ASTN2: variants seen among roughly 807,000 people sequenced by gnomAD.
ASTN2 encodes astrotactin 2, also known as astrotactin-2.
A neutral mutation model predicts 139.8 loss-of-function variants in ASTN2; 54 were observed. The ratio of observed to expected loss-of-function variants is 0.39; its 90% CI spans 0.31 to 0.48. The LOEUF is 0.48. Ranked by LOEUF, ASTN2 falls within the 20% of genes least tolerant of loss-of-function variation. The pLI is 0.95. For missense variants in ASTN2, 1,565 were observed against 1,725.1 expected (o/e 0.91, Z 1.64); for synonymous variants, 756 against 719.5 (o/e 1.05, Z -0.81).
intron 10 of ASTN2, among the ~76,000 whole-genome samples, chr9:116,968,488 C>T (rs1026442730): frequency 6.6e-6 from 1 of 152,046 alleles, no homozygotes; most frequent in African/African-American, 2.4e-5. Context: ...TGGTTAACAG[C>T]TGAAAAAAGA....
At chr9:117,256,702 AAG>A (rs1833696465) in intron 2 of ASTN2, among the ~76,000 whole-genome samples, 1 of 152,212 alleles carries the variant, frequency 6.6e-6, no homozygotes, top group Admixed American at 6.5e-5. Flanking sequence ...AAGGAGGAAA[AAG>A]AGAAATTATT....
At chr9:116,587,379 A>G (rs1265420020) in intron 19 of ASTN2, among the ~76,000 whole-genome samples, 1 of 150,108 alleles carries the variant, frequency 6.7e-6, no homozygotes, top group Non-Finnish European at 1.5e-5. Context: ...ACACTGTTAT[A>G]GAAGATCAGA....
chr9:117,332,248 T>G (rs916648809), intron 1 of ASTN2, among the ~76,000 whole-genome samples: 22 of 152,344 alleles, frequency 1.4e-4, no homozygotes, highest in African/African-American at 4.8e-4. Flanking sequence ...CCACCCTTTA[T>G]AGCATAACTT....
chr9:116,904,964 C>G (rs1246529577), intron 10 of ASTN2, among the ~76,000 whole-genome samples: 1 of 152,148 alleles, frequency 6.6e-6, no homozygotes, highest in East Asian at 1.9e-4. Context: ...CCCCAACTCT[C>G]CTCCAAGTCC....
chr9:116,907,181 C>T (rs1330630760), intron 10 of ASTN2, among the ~76,000 whole-genome samples: 1 of 152,174 alleles, frequency 6.6e-6, no homozygotes, highest in African/African-American at 2.4e-5. Context: ...GTAGGACCCA[C>T]AGTGTGTGTT....
intron 20 of ASTN2, among the ~76,000 whole-genome samples, chr9:116,450,322 GCCTACT>G: frequency 6.6e-6 from 1 of 151,914 alleles, no homozygotes; most frequent in East Asian, 1.9e-4. Context: ...CCAGAGGAAA[GCCTACT>G]GACTCCAATG....
intron 5 of ASTN2, among the ~76,000 whole-genome samples, chr9:117,055,871 A>C (rs1839045343): frequency 1.3e-5 from 2 of 152,230 alleles, no homozygotes; most frequent in Non-Finnish European, 2.9e-5. Context: ...CAAGAAGGTA[A>C]ATGTTATGCA....
intron 20 of ASTN2, among the ~76,000 whole-genome samples, chr9:116,486,934 T>C (rs1849358216): frequency 6.6e-6 from 1 of 152,168 alleles, no homozygotes; most frequent in Non-Finnish European, 1.5e-5. Flanking sequence ...TATCTCAGTA[T>C]GCGTATTTCA....
intron 19 of ASTN2, among the ~76,000 whole-genome samples, chr9:116,600,018 A>G (rs1244775779): frequency 6.6e-6 from 1 of 152,048 alleles, no homozygotes; most frequent in East Asian, 1.9e-4. Flanking sequence ...AGAGCAATGA[A>G]CTTCTATATT....
intron 22 of ASTN2, 119 bp from the exon 23 acceptor site, chr9:116,426,207 A>AATCTG: frequency 7.7e-7 from 1 of 1,301,418 alleles, no homozygotes; most frequent in Non-Finnish European, 1.1e-6. Flanking sequence ...TATCTACTCC[A>AATCTG]GATTGGAGTG....
chr9:116,457,831 C>T (rs2118953070), intron 20 of ASTN2, among the ~76,000 whole-genome samples: 1 of 152,104 alleles, frequency 6.6e-6, no homozygotes, highest in East Asian at 1.9e-4. Context: ...ACCATATGAT[C>T]CGGCTATCCA....
intron 5 of ASTN2, among the ~76,000 whole-genome samples, chr9:117,054,033 A>AT (rs1411350266): frequency 7.3e-6 from 1 of 136,542 alleles, no homozygotes. Context: ...TAAAAAAAGA[A>AT]AAAAAAAAAA....
intron 10 of ASTN2, among the ~76,000 whole-genome samples, chr9:116,948,413 G>T (rs1436306979): frequency 1.3e-5 from 2 of 152,052 alleles, no homozygotes; most frequent in Non-Finnish European, 2.9e-5. Context: ...TTGACCAGTG[G>T]CAGTGTCCCC....
At chr9:116,771,964 T>C (rs2132186717) in intron 13 of ASTN2, among the ~76,000 whole-genome samples, 1 of 152,378 alleles carries the variant, frequency 6.6e-6, no homozygotes, top group Non-Finnish European at 1.5e-5. Flanking sequence ...ACAACCTTTC[T>C]TGCTGTTTAT....
At chr9:117,311,877 C>T (rs542769932) in intron 1 of ASTN2, among the ~76,000 whole-genome samples, 2 of 152,258 alleles carry the variant, frequency 1.3e-5, no homozygotes, top group African/African-American at 4.8e-5. Flanking sequence ...CCTGTTGAAG[C>T]TCTTCCTAAT....
intron 16 of ASTN2, among the ~76,000 whole-genome samples, chr9:116,713,072 AAG>A (rs1828213848): frequency 6.6e-6 from 1 of 152,128 alleles, no homozygotes; most frequent in Non-Finnish European, 1.5e-5. Context: ...TGGGGGAAGA[AAG>A]AGAGAGTACT....
At chr9:116,852,642 G>A (rs940161317) in intron 11 of ASTN2, among the ~76,000 whole-genome samples, 1 of 151,928 alleles carries the variant, frequency 6.6e-6, no homozygotes, top group Admixed American at 6.6e-5. Flanking sequence ...ACAGGCAAAA[G>A]GATACCTTTA....
chr9:117,190,116 G>A (rs1831307510), intron 3 of ASTN2, among the ~76,000 whole-genome samples: 2 of 152,168 alleles, frequency 1.3e-5, no homozygotes, highest in African/African-American at 4.8e-5. Flanking sequence ...TCCTGATGAA[G>A]TAGAGAGAGC....
rs1832409161 is a variant in ASTN2 at position 117,218,575 on chromosome 9, C to T, written c.631-3833G>A. Among the ~76,000 whole-genome samples the T allele has an allele frequency of 2.6e-5, 4 of 152,150 alleles. No individual in the cohort carries two copies. The South Asian group carries it at 6.2e-4, about 24-fold the overall frequency. On this transcript the variant is annotated intron_variant, in intron 2 of 22. Coordinates refer to ENST00000313400, the MANE Select transcript of ASTN2 (RefSeq NM_001365068.1). ...ACGTTGCAAGCACCAATCTGAACAT[C>T]CCTCCCTCCCTAGACCCTGAAAAAG...
Sources: allele counts gnomAD v4.1 joint callset (sites outside exome capture counted in the v4.1 genomes callset), GRCh38; gene constraint gnomAD v4.1.1; transcripts MANE v1.5; gene names NCBI Gene and HGNC (gene_info 2026-07-23, HGNC 2026-07-21).